Variants in UMAD1 observed in about 807,000 individuals in gnomAD.
UMAD1 encodes UBAP1-MVB12-associated (UMA) domain containing 1.
UMAD1 carries 8 observed loss-of-function variants against 6.1 expected under a neutral mutation model. That is an observed-to-expected ratio of 1.30 (90% CI 0.76 to 2.35). UMAD1 has a LOEUF of 2.35. UMAD1 is among the 30% of genes most tolerant of loss of function. The pLI is 0.00. For missense variants in UMAD1, 130 were observed against 78.4 expected, an observed-to-expected ratio of 1.66 and a Z score of -2.49; for synonymous variants, 56 against 31.4, an observed-to-expected ratio of 1.78 and a Z score of -2.61.
intron 1 of UMAD1, among the ~76,000 whole-genome samples, chr7:7,669,542 T>C (rs1477308656): frequency 6.6e-6 from 1 of 152,196 alleles, no homozygotes; most frequent in East Asian, 1.9e-4. Flanking sequence ...TTTTCAGGCA[T>C]GGAGGGGATT....
chr7:7,806,142 A>G (rs563790823), intron 3 of UMAD1, among the ~76,000 whole-genome samples: 1 of 152,202 alleles, frequency 6.6e-6, no homozygotes, highest in African/African-American at 2.4e-5. Context: ...TATCTTCCAA[A>G]TGTGGTTTCT....
At chr7:7,737,469 C>A (rs1781383406) in intron 2 of UMAD1, among the ~76,000 whole-genome samples, 1 of 152,132 alleles carries the variant, frequency 6.6e-6, no homozygotes, top group African/African-American at 2.4e-5. Flanking sequence ...GTGCATTATT[C>A]AATCACAAGA....
At chr7:7,822,155 T>G (rs11762146) in intron 3 of UMAD1, among the ~76,000 whole-genome samples, 5 of 151,956 alleles carry the variant, frequency 3.3e-5, no homozygotes, top group Non-Finnish European at 7.4e-5. Context: ...GAAAAGCTTG[T>G]GTACTTTATT....
chr7:7,874,461 C>T (rs1307334120), intron 3 of UMAD1, among the ~76,000 whole-genome samples: 4 of 152,150 alleles, frequency 2.6e-5, no homozygotes, highest in Non-Finnish European at 4.4e-5. Flanking sequence ...ATCTCATCCA[C>T]ATAATGTTGA....
At chr7:7,862,865 T>C in intron 3 of UMAD1, among the ~76,000 whole-genome samples, 1 of 152,200 alleles carries the variant, frequency 6.6e-6, no homozygotes, top group Non-Finnish European at 1.5e-5. Context: ...TTAAAATTAT[T>C]TCGCTTGATG....
At chr7:7,873,427 C>T (rs1327980697) in intron 3 of UMAD1, among the ~76,000 whole-genome samples, 3 of 152,280 alleles carry the variant, frequency 2.0e-5, no homozygotes, top group East Asian at 1.9e-4. Context: ...TTACTCATAC[C>T]TGCACTCTTG....
At chr7:7,844,223 A>G (rs569300648) in intron 3 of UMAD1, among the ~76,000 whole-genome samples, 5 of 152,302 alleles carry the variant, frequency 3.3e-5, no homozygotes, top group East Asian at 3.9e-4. Context: ...TGATTATTGC[A>G]GAACCTTAAT....
At chr7:7,825,432 A>G (rs1783320680) in intron 3 of UMAD1, among the ~76,000 whole-genome samples, 1 of 152,162 alleles carries the variant, frequency 6.6e-6, no homozygotes, top group Admixed American at 6.6e-5. Context: ...ACAGTTCTGC[A>G]TGGTTGGGAA....
chr7:7,780,895 A>G (rs1782331847), intron 2 of UMAD1, among the ~76,000 whole-genome samples: 1 of 152,226 alleles, frequency 6.6e-6, no homozygotes, highest in South Asian at 2.1e-4. Context: ...ATTCCATTGT[A>G]GGGATAATTA....
At chr7:7,782,632 T>C (rs752138032) in intron 2 of UMAD1, among the ~76,000 whole-genome samples, 2 of 152,126 alleles carry the variant, frequency 1.3e-5, no homozygotes, top group Non-Finnish European at 2.9e-5. Flanking sequence ...GAACCACAAA[T>C]GTAATCAGAA....
intron 3 of UMAD1, among the ~76,000 whole-genome samples, chr7:7,823,687 G>GTA (rs1262038468): frequency 6.6e-6 from 1 of 151,906 alleles, no homozygotes; most frequent in Non-Finnish European, 1.5e-5. Flanking sequence ...ACATATTAGC[G>GTA]TATATATTTC....
chr7:7,711,358 C>T (rs1388653469), intron 2 of UMAD1, among the ~76,000 whole-genome samples: 3 of 152,092 alleles, frequency 2.0e-5, no homozygotes, highest in Non-Finnish European at 4.4e-5. Context: ...ATTTTATTTC[C>T]GGGAGGAATT....
chr7:7,872,058 T>G (rs1290892039), intron 3 of UMAD1, among the ~76,000 whole-genome samples: 6 of 150,274 alleles, frequency 4.0e-5, no homozygotes, highest in Non-Finnish European at 8.9e-5. Context: ...GTCCCATCAG[T>G]AAAGTCTGCT....
At chr7:7,719,784 A>T (rs932112235) in intron 2 of UMAD1, among the ~76,000 whole-genome samples, 2 of 152,224 alleles carry the variant, frequency 1.3e-5, no homozygotes, top group African/African-American at 4.8e-5. Context: ...TTTTATTCTG[A>T]ATTGTTCACA....
chr7:7,773,078 T>C (rs968290194), intron 2 of UMAD1, among the ~76,000 whole-genome samples: 1 of 152,138 alleles, frequency 6.6e-6, no homozygotes, highest in African/African-American at 2.4e-5. Context: ...TTGTAACAAG[T>C]GCAAACTAAA....
chr7:7,648,385 T>C (rs1476536838), intron 1 of UMAD1, among the ~76,000 whole-genome samples: 1 of 152,228 alleles, frequency 6.6e-6, no homozygotes, highest in Non-Finnish European at 1.5e-5. Context: ...TTAACTTTTT[T>C]TGTATTCTTA....
intron 1 of UMAD1, among the ~76,000 whole-genome samples, chr7:7,648,511 AT>A (rs1446013400): frequency 6.6e-6 from 1 of 152,130 alleles, no homozygotes; most frequent in East Asian, 1.9e-4. Flanking sequence ...GTCTTAGTCT[AT>A]GTAGTGTTGC....
chr7:7,644,575 TCTCC>T (rs1785054326), intron 1 of UMAD1, among the ~76,000 whole-genome samples: 1 of 152,200 alleles, frequency 6.6e-6, no homozygotes, highest in South Asian at 2.1e-4. Flanking sequence ...GTCAGATAAG[TCTCC>T]AATCTCTGTT....
chr7:7,769,808 G>T (rs1782066748), intron 2 of UMAD1, among the ~76,000 whole-genome samples: 1 of 152,130 alleles, frequency 6.6e-6, no homozygotes, highest in South Asian at 2.1e-4. Context: ...AAATTGCACT[G>T]GCCCTGGGGA....
Sources: gnomAD v4.1 joint callset for allele counts (sites outside exome capture counted in the v4.1 genomes callset) on GRCh38, gnomAD v4.1.1 for gene constraint, MANE v1.5 for transcripts, NCBI Gene and HGNC (gene_info 2026-07-23, HGNC 2026-07-21) for gene names.